LINGO2: variants seen among roughly 807,000 people sequenced by gnomAD.
LINGO2 encodes the protein leucine rich repeat and Ig domain containing 2.
In LINGO2, 14 loss-of-function variants were observed where a neutral mutation model predicts 30.6. That is an observed-to-expected ratio of 0.46 (90% CI 0.30 to 0.72). The LOEUF (loss-of-function observed/expected upper bound fraction) is 0.72. Ranked by LOEUF, LINGO2 falls within the 30% of genes least tolerant of loss-of-function variation. LINGO2 has a pLI of 0.07. For synonymous variants in LINGO2, 317 were observed against 288.5 expected, an observed-to-expected ratio of 1.10 and a Z score of -1.00; for missense variants, 729 against 751.7, an observed-to-expected ratio of 0.97 and a Z score of 0.35.
intron 2 of LINGO2, among the ~76,000 whole-genome samples, chr9:28,375,385 C>T (rs1387657205): frequency 6.6e-6 from 1 of 152,066 alleles, no homozygotes; most frequent in African/African-American, 2.4e-5. Flanking sequence ...TAGAACTGAG[C>T]CAATTCCAAA....
At chr9:28,643,318 C>A (rs1019082322) in intron 1 of LINGO2, among the ~76,000 whole-genome samples, 1 of 151,922 alleles carries the variant, frequency 6.6e-6, no homozygotes, top group African/African-American at 2.4e-5. Flanking sequence ...ACCAAAAAAG[C>A]ATGCTACTGG....
chr9:27,949,249 C>A, exon 6 of LINGO2: 1 of 1,614,072 alleles, frequency 6.2e-7, no homozygotes, highest in Non-Finnish European at 8.5e-7. Flanking sequence ...CTGTCTTGAT[C>A]CTGGGCAAAG....
chr9:28,397,992 G>A (rs148827305), intron 2 of LINGO2, among the ~76,000 whole-genome samples: 92 of 152,242 alleles, frequency 6.0e-4, no homozygotes, highest in African/African-American at 2.0e-3. Context: ...TGTCATTTAC[G>A]TTCAGTAGCA....
chr9:29,134,283 T>C, the LINGO2 span, among the ~76,000 whole-genome samples: 1 of 152,174 alleles, frequency 6.6e-6, no homozygotes. Context: ...AATAAATATG[T>C]CTGATAAAAG....
the LINGO2 span, among the ~76,000 whole-genome samples, chr9:29,119,575 ATCTT>A: frequency 1.5e-5 from 2 of 135,690 alleles, no homozygotes; most frequent in East Asian, 2.4e-4. Flanking sequence ...AACAGTTGTC[ATCTT>A]TTTTTTTTTT....
chr9:28,751,288 C>CAAAAAAAAA, the LINGO2 span, among the ~76,000 whole-genome samples: 4 of 82,000 alleles, frequency 4.9e-5, no homozygotes, highest in Non-Finnish European at 4.7e-5. Context: ...AAGATCCAGT[C>CAAAAAAAAA]AAAAAAAAAA....
chr9:28,670,601 A>C (rs1828972540), upstream of LINGO2, among the ~76,000 whole-genome samples: 1 of 152,164 alleles, frequency 6.6e-6, no homozygotes, highest in Admixed American at 6.5e-5. Flanking sequence ...ATGTTTTCTT[A>C]TGTGCATTAC....
chr9:28,615,085 C>T (rs1387150908), intron 1 of LINGO2, among the ~76,000 whole-genome samples: 3 of 151,872 alleles, frequency 2.0e-5, no homozygotes, highest in Admixed American at 6.6e-5. Context: ...TTTCTGTACC[C>T]TACATGGGAG....
At chr9:29,034,243 T>C in the LINGO2 span, among the ~76,000 whole-genome samples, 1 of 152,182 alleles carries the variant, frequency 6.6e-6, no homozygotes, top group African/African-American at 2.4e-5. Flanking sequence ...AACATCTTTG[T>C]AAACACGTAT....
the LINGO2 span, among the ~76,000 whole-genome samples, chr9:29,002,090 C>T: frequency 3.3e-5 from 5 of 151,810 alleles, no homozygotes; most frequent in South Asian, 2.1e-4. Flanking sequence ...TTTTTTCTTT[C>T]CCCTGTCTGA....
At chr9:27,988,482 C>T (rs1821234438) in intron 5 of LINGO2, among the ~76,000 whole-genome samples, 1 of 151,966 alleles carries the variant, frequency 6.6e-6, no homozygotes, top group South Asian at 2.1e-4. Context: ...TAAAAGTGTT[C>T]CTATTTCTCC....
chr9:28,481,713 G>C (rs910611036), intron 1 of LINGO2, among the ~76,000 whole-genome samples: 1 of 151,956 alleles, frequency 6.6e-6, no homozygotes, highest in South Asian at 2.1e-4. Context: ...TTGCTGGTGC[G>C]CTGCACCCAC....
the LINGO2 span, among the ~76,000 whole-genome samples, chr9:29,130,853 A>T: frequency 6.6e-6 from 1 of 152,022 alleles, no homozygotes; most frequent in Non-Finnish European, 1.5e-5. Flanking sequence ...TTCTAAAGTC[A>T]AAATACTAAG....
the LINGO2 span, among the ~76,000 whole-genome samples, chr9:28,904,284 C>A: frequency 1.3e-5 from 2 of 151,970 alleles, no homozygotes; most frequent in African/African-American, 2.4e-5. Flanking sequence ...AAGTTGAAAG[C>A]TTTTCCTCTA....
At chr9:28,575,434 A>G (rs536899111) in intron 1 of LINGO2, among the ~76,000 whole-genome samples, 1 of 151,750 alleles carries the variant, frequency 6.6e-6, no homozygotes, top group Non-Finnish European at 1.5e-5. Context: ...AAACAACACA[A>G]AAAAAACCAC....
chr9:28,183,975 C>T (rs1394542192), intron 4 of LINGO2, among the ~76,000 whole-genome samples: 2 of 152,212 alleles, frequency 1.3e-5, no homozygotes, highest in African/African-American at 2.4e-5. Context: ...TCTCAAAGCC[C>T]TACCTGGGCC....
At chr9:27,967,464 T>C (rs896253499) in intron 5 of LINGO2, among the ~76,000 whole-genome samples, 4 of 152,166 alleles carry the variant, frequency 2.6e-5, no homozygotes, top group Non-Finnish European at 5.9e-5. Context: ...GGCAGGAACA[T>C]GTAGTTTAGC....
At chr9:29,070,462 G>A in the LINGO2 span, among the ~76,000 whole-genome samples, 1 of 152,122 alleles carries the variant, frequency 6.6e-6, no homozygotes, top group South Asian at 2.1e-4. Context: ...ATGGTAATGA[G>A]AACAAAGAAG....
intron 2 of LINGO2, among the ~76,000 whole-genome samples, chr9:28,445,817 G>T (rs550618927): frequency 1.3e-5 from 2 of 152,236 alleles, no homozygotes; most frequent in East Asian, 3.9e-4. Flanking sequence ...AAATCCTGTG[G>T]CTATAATTCC....
Sources: gnomAD v4.1 joint callset for allele counts (sites outside exome capture counted in the v4.1 genomes callset) on GRCh38, gnomAD v4.1.1 for gene constraint, MANE v1.5 for transcripts, NCBI Gene and HGNC (gene_info 2026-07-23, HGNC 2026-07-21) for gene names.